Variants in LCORL observed in about 807,000 individuals in gnomAD.
The protein encoded by LCORL is ligand dependent nuclear receptor corepressor like.
LCORL carries 41 observed loss-of-function variants against 141.8 expected under a neutral mutation model. That is an observed-to-expected ratio of 0.29 (90% confidence interval 0.23 to 0.38). The LOEUF is 0.38. LCORL is among the 10% of genes least tolerant of loss of function. The pLI is 1.00. For synonymous variants in LCORL, 618 were observed against 694.1 expected (o/e 0.89, Z 1.72); for missense variants, 1,759 against 2,035.0 (o/e 0.86, Z 2.61).
At chr4:17,966,013 T>C (rs1245609448) in intron 2 of LCORL, among the ~76,000 whole-genome samples, 1 of 152,142 alleles carries the variant, frequency 6.6e-6, no homozygotes, top group Non-Finnish European at 1.5e-5. Context: ...TATAACTGTA[T>C]TGGTCTGAGG....
chr4:17,967,502 C>T (rs1560417599), intron 2 of LCORL, among the ~76,000 whole-genome samples: 1 of 152,126 alleles, frequency 6.6e-6, no homozygotes, highest in Non-Finnish European at 1.5e-5. Flanking sequence ...TGGAAACTCT[C>T]TGTACTTTCT....
chr4:17,870,420 T>G (rs1165159701), intron 7 of LCORL, among the ~76,000 whole-genome samples: 1 of 152,178 alleles, frequency 6.6e-6, no homozygotes, highest in Non-Finnish European at 1.5e-5. Flanking sequence ...AGCCTCAGCT[T>G]AGATGCAACA....
chr4:18,014,689 T>C (rs917910738), intron 1 of LCORL, among the ~76,000 whole-genome samples: 10 of 152,328 alleles, frequency 6.6e-5, no homozygotes, highest in African/African-American at 2.4e-4. Context: ...AACACAAAAA[T>C]TCTCAAAACA....
intron 6 of LCORL, chr4:17,880,889 A>G (rs1350518252): frequency 1.6e-5 from 14 of 896,960 alleles, no homozygotes; most frequent in Non-Finnish European, 1.9e-5. Context: ...ATGCATAAAT[A>G]TAACTAATTG....
chr4:17,852,999 T>C (rs904138972), intron 7 of LCORL, among the ~76,000 whole-genome samples: 36 of 151,358 alleles, frequency 2.4e-4, no homozygotes, highest in African/African-American at 8.5e-4. Flanking sequence ...GGTCTGAAAA[T>C]ATCACTTACA....
exon 8 of LCORL, chr4:17,841,969 G>T: frequency 5.2e-6 from 1 of 192,738 alleles, no homozygotes. Flanking sequence ...CACAGACTTT[G>T]TGCTATAGCA....
chr4:17,974,238 T>C (rs1347921260), intron 1 of LCORL, among the ~76,000 whole-genome samples: 1 of 152,124 alleles, frequency 6.6e-6, no homozygotes, highest in Non-Finnish European at 1.5e-5. Context: ...AAAAGTGTAT[T>C]AGTTGGTCTC....
At chr4:17,896,664 T>C (rs1468967959) in intron 5 of LCORL, among the ~76,000 whole-genome samples, 1 of 152,186 alleles carries the variant, frequency 6.6e-6, no homozygotes, top group African/African-American at 2.4e-5. Context: ...TACAATTGTA[T>C]AACGATCACA....
intron 4 of LCORL, among the ~76,000 whole-genome samples, chr4:17,938,837 T>C (rs1737339048): frequency 6.6e-6 from 1 of 152,220 alleles, no homozygotes; most frequent in Admixed American, 6.5e-5. Context: ...TCCCCTTTCT[T>C]ATTTTCTTAG....
chr4:17,961,496 G>A (rs541289034), intron 4 of LCORL, among the ~76,000 whole-genome samples: 1 of 152,148 alleles, frequency 6.6e-6, no homozygotes, highest in South Asian at 2.1e-4. Context: ...AAGCTGATAA[G>A]TGATTTCACT....
At chr4:17,854,499 A>C (rs1018690449) in intron 7 of LCORL, among the ~76,000 whole-genome samples, 1 of 152,164 alleles carries the variant, frequency 6.6e-6, no homozygotes, top group African/African-American at 2.4e-5. Context: ...TCATAATCAG[A>C]TATAAAGATT....
chr4:17,863,966 G>A (rs1725313446), intron 7 of LCORL, among the ~76,000 whole-genome samples: 1 of 152,116 alleles, frequency 6.6e-6, no homozygotes, highest in South Asian at 2.1e-4. Flanking sequence ...ATCGACCAAA[G>A]AAGAGAACAA....
intron 4 of LCORL, among the ~76,000 whole-genome samples, chr4:17,947,927 CAGGAA>C (rs1408598696): frequency 6.6e-6 from 1 of 151,748 alleles, no homozygotes; most frequent in East Asian, 1.9e-4. Flanking sequence ...AAAAGAAAAA[CAGGAA>C]AGGAATCAGG....
At chr4:17,920,934 G>T (rs1372088427) in intron 4 of LCORL, among the ~76,000 whole-genome samples, 1 of 152,180 alleles carries the variant, frequency 6.6e-6, no homozygotes, top group African/African-American at 2.4e-5. Flanking sequence ...TGTTATCTAT[G>T]AGGGTTGGAA....
At chr4:17,853,689 G>A (rs566876868) in intron 7 of LCORL, among the ~76,000 whole-genome samples, 2 of 152,214 alleles carry the variant, frequency 1.3e-5, no homozygotes, top group East Asian at 3.9e-4. Flanking sequence ...CTGGAATGGT[G>A]TCTTCTAAAT....
intron 6 of LCORL, chr4:17,881,929 T>C: frequency 1.0e-6 from 1 of 982,932 alleles, no homozygotes; most frequent in Non-Finnish European, 1.2e-6. Flanking sequence ...AAAAGAAAGA[T>C]GACCCTGACA....
exon 7 of LCORL, chr4:17,874,206 T>C (rs1726677886): frequency 2.4e-6 from 3 of 1,233,854 alleles, no homozygotes; most frequent in Non-Finnish European, 3.0e-6. Flanking sequence ...CTCAGTCCTT[T>C]TTAATCTAGC....
exon 5 of LCORL, chr4:17,909,098 C>A: frequency 1.3e-6 from 2 of 1,588,774 alleles, no homozygotes; most frequent in South Asian, 1.2e-5. Flanking sequence ...TCTTACCTTG[C>A]TGAGTATTTT....
In LCORL at chr4:17,959,754, A is replaced by G. The variant is rs139595434; in HGVS notation, c.430+2149T>C. Among the ~76,000 whole-genome samples the G allele has an allele frequency of 8.2e-3, 1,243 of 152,210 alleles. 4 individuals are homozygous for G. Among genetic ancestry groups the G allele is most frequent in the South Asian group, 0.024 (116 of 4,828 alleles). On this transcript the variant is annotated intron_variant, in intron 4 of 7. Transcript: ENST00000635767. ...GCAAAAGATTTAAAGTACCAGGAATACTAATGCCATCCATATCCAGGATCC... is the reference window on the plus strand; with the variant it reads ...GCAAAAGATTTAAAGTACCAGGAATGCTAATGCCATCCATATCCAGGATCC...
Sources: gnomAD v4.1 joint callset for allele counts (sites outside exome capture counted in the v4.1 genomes callset) on GRCh38, gnomAD v4.1.1 for gene constraint, MANE v1.5 for transcripts, NCBI Gene and HGNC (gene_info 2026-07-23, HGNC 2026-07-21) for gene names.